Variants in CUL2 observed in about 807,000 individuals in gnomAD.
CUL2 encodes cullin-2.
Under a neutral mutation model 110.2 loss-of-function variants are expected in CUL2, and 22 were observed. The observed-to-expected ratio is 0.20, with a 90% CI of 0.14 to 0.28. CUL2 has a LOEUF of 0.28. CUL2 is among the 10% of genes least tolerant of loss of function. The probability of loss-of-function intolerance (pLI) is 1.00; values close to 1 mark genes in which losing one functional copy is unlikely to be tolerated. For missense variants in CUL2, 631 were observed against 905.5 expected, an observed-to-expected ratio of 0.70 and a Z score of 3.89; for synonymous variants, 279 against 293.2, an observed-to-expected ratio of 0.95 and a Z score of 0.49.
intron 16 of CUL2, among the ~76,000 whole-genome samples, chr10:35,027,413 G>A (rs1231069006): frequency 6.6e-6 from 1 of 151,914 alleles, no homozygotes; most frequent in Non-Finnish European, 1.5e-5. Context: ...CAAGGTGCTG[G>A]GATTACAGGC....
chr10:35,042,327 G>A (rs776598796), intron 8 of CUL2, among the ~76,000 whole-genome samples: 2 of 152,078 alleles, frequency 1.3e-5, no homozygotes, highest in Admixed American at 6.5e-5. Context: ...GTTGTATCAT[G>A]TATAACTTCA....
intron 1 of CUL2, among the ~76,000 whole-genome samples, chr10:35,112,586 T>C (rs1254126075): frequency 6.6e-6 from 1 of 152,166 alleles, no homozygotes; most frequent in African/African-American, 2.4e-5. Context: ...GAAAATGAGT[T>C]TCCTCAAGTC....
intron 1 of CUL2, among the ~76,000 whole-genome samples, chr10:35,122,134 C>G (rs1336333491): frequency 2.0e-5 from 3 of 152,150 alleles, no homozygotes; most frequent in African/African-American, 7.2e-5. Context: ...TTTTACCTTT[C>G]TCATATATTT....
intron 1 of CUL2, among the ~76,000 whole-genome samples, chr10:35,081,721 C>T (rs957438913): frequency 2.5e-4 from 38 of 151,966 alleles, no homozygotes; most frequent in African/African-American, 6.5e-4. Flanking sequence ...TGGTGAACCC[C>T]GCCTGTACAA....
chr10:35,061,076 C>T, intron 3 of CUL2, 108 bp from the exon 4 acceptor site: 1 of 1,214,928 alleles, frequency 8.2e-7, no homozygotes, highest in Non-Finnish European at 1.1e-6. Flanking sequence ...ATAATTCTAG[C>T]TGTACAAATT....
At chr10:35,070,835 T>C (rs1344883578) in intron 2 of CUL2, among the ~76,000 whole-genome samples, 2 of 152,122 alleles carry the variant, frequency 1.3e-5, no homozygotes, top group Non-Finnish European at 2.9e-5. Flanking sequence ...CTCCCCCACG[T>C]CCTTATCCTG....
intron 1 of CUL2, 70 bp from the exon 2 acceptor site, chr10:35,071,409 T>C: frequency 7.1e-7 from 1 of 1,413,358 alleles, no homozygotes; most frequent in Non-Finnish European, 9.8e-7. Flanking sequence ...TGTTGTTTTT[T>C]GTTTGTTTGC....
At chr10:35,047,734 T>A (rs186530761) in intron 6 of CUL2, among the ~76,000 whole-genome samples, 36 of 151,436 alleles carry the variant, frequency 2.4e-4, no homozygotes, top group African/African-American at 8.7e-4. Context: ...CTGGCCAACA[T>A]GGTGAAAACC....
upstream of CUL2, among the ~76,000 whole-genome samples, chr10:35,091,000 T>C (rs1358739335): frequency 1.3e-5 from 2 of 152,244 alleles, no homozygotes; most frequent in Non-Finnish European, 2.9e-5. Context: ...TGTTAGTTTT[T>C]ATCTACAGAG....
intron 4 of CUL2, among the ~76,000 whole-genome samples, chr10:35,059,509 G>A (rs545231436): frequency 3.0e-4 from 46 of 152,172 alleles, no homozygotes; most frequent in African/African-American, 1.1e-3. Flanking sequence ...CATTTTTTTA[G>A]ACAATGCTAC....
At chr10:35,051,637 T>C (rs1471457825) in intron 5 of CUL2, among the ~76,000 whole-genome samples, 1 of 152,176 alleles carries the variant, frequency 6.6e-6, no homozygotes, top group East Asian at 1.9e-4. Context: ...CAACAAAAAA[T>C]AGTGTCTCCT....
At chr10:35,123,577 A>G (rs2087702837) in intron 1 of CUL2, among the ~76,000 whole-genome samples, 1 of 152,244 alleles carries the variant, frequency 6.6e-6, no homozygotes, top group Non-Finnish European at 1.5e-5. Flanking sequence ...AGGCACTTCA[A>G]AATATTTTCT....
chr10:35,124,158 G>A (rs766303993), intron 1 of CUL2, among the ~76,000 whole-genome samples: 2 of 152,102 alleles, frequency 1.3e-5, no homozygotes, highest in Non-Finnish European at 2.9e-5. Context: ...CTCTAACCTG[G>A]GTGACAGAGC....
At chr10:35,104,375 G>C (rs961324005) in intron 1 of CUL2, among the ~76,000 whole-genome samples, 5 of 152,198 alleles carry the variant, frequency 3.3e-5, no homozygotes, top group African/African-American at 1.2e-4. Flanking sequence ...GAGCCCAGGA[G>C]TTCAAGGCTG....
At chr10:35,032,687 A>G (rs1380222635) in intron 11 of CUL2, among the ~76,000 whole-genome samples, 193 bp from the exon 12 acceptor site, 1 of 152,202 alleles carries the variant, frequency 6.6e-6, no homozygotes, top group Non-Finnish European at 1.5e-5. Flanking sequence ...CAAAATATCT[A>G]TATATCCTGT....
intron 17 of CUL2, among the ~76,000 whole-genome samples, chr10:35,021,737 C>T (rs1166100705): frequency 2.0e-5 from 3 of 150,176 alleles, no homozygotes; most frequent in Non-Finnish European, 3.0e-5. Flanking sequence ...CTCTTAAGCC[C>T]GGGAGGCAGA....
chr10:35,097,393 G>A (rs12764820), intron 2 of CUL2, among the ~76,000 whole-genome samples: 44,081 of 151,032 alleles, frequency 0.29, 6,961 homozygotes, highest in South Asian at 0.35. Flanking sequence ...GGGAGGCTGA[G>A]GTGGAAGGAT....
intron 1 of CUL2, among the ~76,000 whole-genome samples, chr10:35,105,720 GA>G (rs200810888): frequency 9.7e-5 from 13 of 134,180 alleles, no homozygotes; most frequent in African/African-American, 3.3e-4. Flanking sequence ...AAAAAAAAAA[GA>G]AAAAAACCCA....
intron 1 of CUL2, among the ~76,000 whole-genome samples, chr10:35,101,355 G>T (rs1217328648): frequency 6.6e-6 from 1 of 152,188 alleles, no homozygotes; most frequent in Non-Finnish European, 1.5e-5. Context: ...TACCATTGTA[G>T]AAAATGTGGA....
Sources: allele counts gnomAD v4.1 joint callset (sites outside exome capture counted in the v4.1 genomes callset), GRCh38; gene constraint gnomAD v4.1.1; transcripts MANE v1.5; gene names NCBI Gene and HGNC (gene_info 2026-07-23, HGNC 2026-07-21).